ABHD18: variants seen among roughly 807,000 people sequenced by gnomAD.
ABHD18 encodes cardiolipin-specific deacylase, mitochondrial.
A neutral mutation model predicts 65.9 loss-of-function variants in ABHD18; 55 were observed. The ratio of observed to expected loss-of-function variants is 0.84; its 90% CI spans 0.67 to 1.05. The LOEUF (loss-of-function observed/expected upper bound fraction) is 1.05, where lower values mean the gene tolerates loss of function less well. ABHD18 is among the 50% of genes least tolerant of loss of function. The probability of loss-of-function intolerance (pLI) is 0.00; values close to 1 mark genes in which losing one functional copy is unlikely to be tolerated. For synonymous variants in ABHD18, 181 were observed against 180.2 expected (o/e 1.00, Z -0.04); for missense variants, 533 against 558.5 (o/e 0.95, Z 0.46).
intron 9 of ABHD18, among the ~76,000 whole-genome samples, chr4:128,020,610 T>A (rs775266248): frequency 4.6e-5 from 7 of 152,186 alleles, no homozygotes; most frequent in Non-Finnish European, 1.0e-4. Flanking sequence ...CCGCATTGTT[T>A]ATATAAGCAG....
rs1425589804 is a variant in ABHD18, at chr4:128,039,125, T to A, written c.*3312T>A. 2.9e-5 allele frequency: 4 copies of A among 136,714 alleles called. No homozygotes were observed. The highest frequency in any genetic ancestry group is 8.0e-5 in the African/African-American group (3 of 37,356). 8.5% of individuals were successfully genotyped at this position (136,714 alleles called of 1,614,324 possible). On this transcript the variant is annotated 3_prime_UTR_variant, in exon 13 of 13. Transcript: ENST00000645843. ...ATATGTATGTACGTATATATATGTATTATATATACACACATATGCATATAT... is the reference window on the plus strand; with the variant it reads ...ATATGTATGTACGTATATATATGTAATATATATACACACATATGCATATAT...
rs1476848293 is a variant in ABHD18, at chr4:128,003,517, AAGAT to A, written c.279-5399_279-5396del. On this transcript the variant is annotated intron_variant, in intron 4 of 12. Coordinates refer to ENST00000645843, the MANE Select transcript of ABHD18 (RefSeq NM_001358451.3). Reference sequence around the variant, plus strand: ...AAAAACACCCAATTAATCTAAAAAAAAGATAGAAAAGAATTTTAAAAAGAATAAA... The same window carrying A: ...AAAAACACCCAATTAATCTAAAAAAAAGAAAAGAATTTTAAAAAGAATAAA... 1.4e-4 allele frequency among the ~76,000 whole-genome samples: 22 copies of A among 152,258 alleles called. No homozygotes were observed. In the South Asian group the frequency reaches 3.3e-3, roughly 23 times the overall value.
chr4:128,033,524 CTTTTTTTT>C (rs869099600), intron 12 of ABHD18, among the ~76,000 whole-genome samples: 2 of 108,646 alleles, frequency 1.8e-5, no homozygotes, highest in African/African-American at 3.5e-5. Context: ...CAAAGATAGT[CTTTTTTTT>C]TTTTTTTTTT....
At chr4:128,021,009 G>A in intron 9 of ABHD18, 128 bp from the exon 10 acceptor site, 1 of 571,912 alleles carries the variant, frequency 1.7e-6, no homozygotes, top group Non-Finnish European at 3.0e-6. Flanking sequence ...ACTCCAGCCT[G>A]GGCAACAGAG....
At chr4:127,985,379 A>T (rs1157829346) in intron 3 of ABHD18, among the ~76,000 whole-genome samples, 2 of 143,626 alleles carry the variant, frequency 1.4e-5, no homozygotes, top group African/African-American at 6.0e-5. Context: ...CTTGCATCTC[A>T]TATGTTTTGG....
chr4:127,968,488 T>A (rs1427747164), intron 1 of ABHD18, among the ~76,000 whole-genome samples: 1 of 152,212 alleles, frequency 6.6e-6, no homozygotes, highest in African/African-American at 2.4e-5. Context: ...GAGATATGTA[T>A]CACCAATGTA....
At position 127,967,578 on chromosome 4, in the gene ABHD18, A is replaced by G. The variant is rs561709401; in HGVS notation, c.-18+1972A>G. On this transcript the variant is annotated intron_variant, in intron 1 of 12. Coordinates refer to ENST00000645843, the MANE Select transcript of ABHD18 (RefSeq NM_001358451.3). ...TCAAGGTCACACAGCTGGTAGAGGA[A>G]TCCCAGCCCTCTGACACTGCTCTTT... is the stretch of plus-strand genomic sequence containing the variant. 3.3e-5 allele frequency among the ~76,000 whole-genome samples: 5 copies of G among 152,276 alleles called. No homozygotes were observed. The East Asian group carries it at 9.6e-4, about 29-fold the overall frequency.
At chr4:127,994,716 A>C (rs1407324247) in intron 4 of ABHD18, among the ~76,000 whole-genome samples, 1 of 152,230 alleles carries the variant, frequency 6.6e-6, no homozygotes, top group Non-Finnish European at 1.5e-5. Context: ...GGAAAATTTA[A>C]TATTTATCTT....
At chr4:128,030,319 A>T (rs1475577096) in intron 11 of ABHD18, among the ~76,000 whole-genome samples, 191 bp from the exon 12 acceptor site, 2 of 152,224 alleles carry the variant, frequency 1.3e-5, no homozygotes, top group South Asian at 2.1e-4. Flanking sequence ...GTTAATTTTT[A>T]AAAACCACAG....
chr4:128,000,187 G>A (rs1416293236), intron 4 of ABHD18, among the ~76,000 whole-genome samples: 1 of 152,192 alleles, frequency 6.6e-6, no homozygotes, highest in East Asian at 1.9e-4. Flanking sequence ...TGGGGACACA[G>A]CTAAACCATA....
chr4:128,021,051 GGTA>G (rs899481910), intron 9 of ABHD18, 83 bp from the exon 10 acceptor site: 2 of 635,820 alleles, frequency 3.1e-6, no homozygotes, highest in Admixed American at 6.8e-5. Context: ...AAAAAAAAAA[GGTA>G]GTCTCACACA....
intron 7 of ABHD18, among the ~76,000 whole-genome samples, chr4:128,016,046 C>T (rs756882734): frequency 1.3e-4 from 19 of 151,424 alleles, no homozygotes; most frequent in South Asian, 4.2e-4. Flanking sequence ...CTCCACCTCC[C>T]GGGCTCAAGT....
intron 1 of ABHD18, among the ~76,000 whole-genome samples, chr4:127,972,808 A>G (rs1370772680): frequency 6.6e-6 from 1 of 152,164 alleles, no homozygotes; most frequent in East Asian, 1.9e-4. Context: ...TAATTGCACT[A>G]AAGTAGAAAA....
chr4:128,015,076 TAAAAAAA>T (rs35551300), intron 7 of ABHD18, among the ~76,000 whole-genome samples: 3 of 122,968 alleles, frequency 2.4e-5, no homozygotes, highest in Non-Finnish European at 1.7e-5. Flanking sequence ...AAACTCCATC[TAAAAAAA>T]AAAAAAAAAA....
intron 1 of ABHD18, among the ~76,000 whole-genome samples, chr4:127,973,354 G>A (rs1000546046): frequency 3.3e-5 from 5 of 152,130 alleles, no homozygotes; most frequent in Admixed American, 1.3e-4. Flanking sequence ...ATAAACAAAT[G>A]TTTATTCAAG....
At chr4:128,006,010 C>T (rs1466225158) in intron 4 of ABHD18, among the ~76,000 whole-genome samples, 1 of 152,170 alleles carries the variant, frequency 6.6e-6, no homozygotes, top group Non-Finnish European at 1.5e-5. Context: ...TTCCATATTA[C>T]CAAAAGAGCA....
At chr4:127,971,075 CAAAA>C (rs201291341) in intron 1 of ABHD18, among the ~76,000 whole-genome samples, 3 of 110,040 alleles carry the variant, frequency 2.7e-5, no homozygotes, top group Admixed American at 9.3e-5. Context: ...GACTCTGTCT[CAAAA>C]AAAAAAAAAA....
chr4:128,002,783 A>G (rs1469954168), intron 4 of ABHD18, among the ~76,000 whole-genome samples: 1 of 151,430 alleles, frequency 6.6e-6, no homozygotes, highest in Non-Finnish European at 1.5e-5. Flanking sequence ...AGCTGGGACT[A>G]CAGGTAGGTG....
intron 4 of ABHD18, among the ~76,000 whole-genome samples, chr4:128,005,688 C>T (rs1006824174): frequency 6.6e-6 from 1 of 152,102 alleles, no homozygotes; most frequent in Non-Finnish European, 1.5e-5. Flanking sequence ...TCAAGAGATC[C>T]TCCCACCTTG....
Sources: gnomAD v4.1 joint callset for allele counts (sites outside exome capture counted in the v4.1 genomes callset) on GRCh38, gnomAD v4.1.1 for gene constraint, MANE v1.5 for transcripts, NCBI Gene and HGNC (gene_info 2026-07-23, HGNC 2026-07-21) for gene names.